GRIK1: variants seen among roughly 807,000 people sequenced by gnomAD.
GRIK1 encodes glutamate ionotropic receptor kainate type subunit 1, also known as glutamate receptor ionotropic, kainate 1.
GRIK1 carries 69 observed loss-of-function variants against 105.7 expected under a neutral mutation model. The ratio of observed to expected loss-of-function variants is 0.65; its 90% CI spans 0.54 to 0.80. The LOEUF (loss-of-function observed/expected upper bound fraction) is 0.80, where lower values mean the gene tolerates loss of function less well. Ranked by LOEUF, GRIK1 falls within the 30% of genes least tolerant of loss-of-function variation. The pLI is 0.00. For synonymous variants in GRIK1, 438 were observed against 431.3 expected (o/e 1.02, Z -0.19); for missense variants, 1,109 against 1,167.3 (o/e 0.95, Z 0.73).
At chr21:29,591,739 A>G (rs1357523834) in intron 9 of GRIK1, among the ~76,000 whole-genome samples, 1 of 152,166 alleles carries the variant, frequency 6.6e-6, no homozygotes, top group Non-Finnish European at 1.5e-5. Flanking sequence ...TGAATGGTGG[A>G]GAGACCCAGC....
At chr21:29,767,397 G>C (rs1282857883) in intron 1 of GRIK1, among the ~76,000 whole-genome samples, 1 of 151,676 alleles carries the variant, frequency 6.6e-6, no homozygotes, top group Non-Finnish European at 1.5e-5. Flanking sequence ...AATTAATCTA[G>C]ACAGCAATTT....
chr21:29,560,366 T>G (rs1253204449), intron 15 of GRIK1, among the ~76,000 whole-genome samples: 1 of 25,740 alleles, frequency 3.9e-5, no homozygotes, highest in East Asian at 1.4e-3. Flanking sequence ...TTTTTCTTTC[T>G]TCCTTCCTTC....
chr21:29,757,299 A>G (rs2145675867), intron 1 of GRIK1, among the ~76,000 whole-genome samples: 1 of 152,308 alleles, frequency 6.6e-6, no homozygotes, highest in South Asian at 2.1e-4. Context: ...ACAAAGCAGG[A>G]GCTCCAAAAT....
intron 1 of GRIK1, among the ~76,000 whole-genome samples, chr21:29,695,879 C>T (rs1205287388): frequency 6.6e-6 from 1 of 152,134 alleles, no homozygotes; most frequent in Non-Finnish European, 1.5e-5. Context: ...CAAGTGCTCT[C>T]AGTTCTCTCT....
intron 1 of GRIK1, among the ~76,000 whole-genome samples, chr21:29,864,891 A>G (rs193183924): frequency 4.9e-4 from 75 of 152,294 alleles, no homozygotes; most frequent in Middle Eastern, 3.4e-3. Context: ...GTCTAAAGCC[A>G]TTATTGATGG....
intron 4 of GRIK1, among the ~76,000 whole-genome samples, chr21:29,659,897 G>A (rs1323476694): frequency 6.6e-6 from 1 of 152,112 alleles, no homozygotes; most frequent in Admixed American, 6.5e-5. Context: ...GGTAGGCGGA[G>A]ATTGTGGTGA....
chr21:29,830,681 A>C (rs2145962429), intron 1 of GRIK1, among the ~76,000 whole-genome samples: 1 of 152,268 alleles, frequency 6.6e-6, no homozygotes, highest in Admixed American at 6.5e-5. Flanking sequence ...TCACATAATA[A>C]GTGCAAGGTA....
intron 1 of GRIK1, among the ~76,000 whole-genome samples, chr21:29,836,654 C>T (rs909153816): frequency 6.6e-6 from 1 of 152,020 alleles, no homozygotes; most frequent in East Asian, 1.9e-4. Context: ...CACACATATA[C>T]ATGTGTAATG....
intron 1 of GRIK1, among the ~76,000 whole-genome samples, chr21:29,872,524 C>A (rs904268920): frequency 5.3e-5 from 8 of 152,120 alleles, no homozygotes; most frequent in African/African-American, 1.9e-4. Context: ...GTCGCCTCAG[C>A]CTGGTGCCAC....
intron 16 of GRIK1, among the ~76,000 whole-genome samples, chr21:29,544,438 T>G (rs1300490042): frequency 2.0e-5 from 3 of 152,172 alleles, no homozygotes; most frequent in Non-Finnish European, 4.4e-5. Context: ...CTTTGAAAAG[T>G]GGAGTTAACA....
At chr21:29,685,816 C>A (rs1432764392) in intron 3 of GRIK1, among the ~76,000 whole-genome samples, 1 of 152,202 alleles carries the variant, frequency 6.6e-6, no homozygotes, top group African/African-American at 2.4e-5. Context: ...GTATCCTACC[C>A]CTCTTAATCC....
intron 1 of GRIK1, among the ~76,000 whole-genome samples, chr21:29,931,152 A>C (rs1384208513): frequency 6.6e-6 from 1 of 152,228 alleles, no homozygotes; most frequent in Non-Finnish European, 1.5e-5. Context: ...ATTATTAAGT[A>C]AAGTCAGTCT....
intron 1 of GRIK1, among the ~76,000 whole-genome samples, chr21:29,795,193 G>T (rs432558): frequency 0.14 from 21,640 of 151,330 alleles, 1,550 homozygotes; most frequent in Non-Finnish European, 0.16. Context: ...CTGCCACCAC[G>T]CCCGGCTAAT....
intron 14 of GRIK1, among the ~76,000 whole-genome samples, chr21:29,568,094 T>G (rs752827996): frequency 6.6e-6 from 1 of 152,216 alleles, no homozygotes; most frequent in Non-Finnish European, 1.5e-5. Flanking sequence ...TTCTCCTGTC[T>G]AGAGTTAAAG....
At chr21:29,908,714 A>G (rs180872822) in intron 1 of GRIK1, among the ~76,000 whole-genome samples, 206 of 152,330 alleles carry the variant, frequency 1.4e-3, no homozygotes, top group African/African-American at 4.9e-3. Flanking sequence ...GTAAACAGGT[A>G]ACCAGTATTA....
chr21:29,858,972 TG>T (rs1179679026), intron 1 of GRIK1, among the ~76,000 whole-genome samples: 2 of 150,748 alleles, frequency 1.3e-5, no homozygotes, highest in Non-Finnish European at 3.0e-5. Flanking sequence ...GAATTTATGT[TG>T]TATCACTTTC....
intron 14 of GRIK1, among the ~76,000 whole-genome samples, chr21:29,568,048 G>A (rs1453705290): frequency 6.6e-6 from 1 of 152,118 alleles, no homozygotes; most frequent in East Asian, 1.9e-4. Context: ...CCCTCAGCGG[G>A]ATTTAAACAG....
intron 3 of GRIK1, among the ~76,000 whole-genome samples, chr21:29,682,454 C>G (rs1009029416): frequency 2.2e-4 from 34 of 152,190 alleles, no homozygotes; most frequent in African/African-American, 7.7e-4. Context: ...TTTGAAGCAC[C>G]CTGTTTTCTT....
At chr21:29,635,627 C>T (rs1429701446) in intron 7 of GRIK1, among the ~76,000 whole-genome samples, 1 of 152,118 alleles carries the variant, frequency 6.6e-6, no homozygotes, top group Non-Finnish European at 1.5e-5. Flanking sequence ...CCAGAGTTGA[C>T]CAATTGGTTT....
Sources: gnomAD v4.1 joint callset for allele counts (sites outside exome capture counted in the v4.1 genomes callset) on GRCh38, gnomAD v4.1.1 for gene constraint, MANE v1.5 for transcripts, NCBI Gene and HGNC (gene_info 2026-07-23, HGNC 2026-07-21) for gene names.